Variants in MEG3 observed in about 807,000 individuals in gnomAD.
MEG3 encodes maternally expressed 3.
At chr14:100,859,856 A>G (rs1258637892) in exon 1 of MEG3, 3 of 152,170 alleles carry the variant, frequency 2.0e-5, no homozygotes, top group Non-Finnish European at 4.4e-5. Flanking sequence ...TTCTCGCTGC[A>G]TGCCGTGGGC....
At chr14:100,849,327 CTCCAGGA>C (rs1477734216) in intron 3 of MEG3, 1 of 152,070 alleles carries the variant, frequency 6.6e-6, no homozygotes, top group Non-Finnish European at 1.5e-5. Flanking sequence ...GTGCAGAAGG[CTCCAGGA>C]ACCGCAGATT....
upstream of MEG3, chr14:100,856,726 G>C (rs2038251526): frequency 6.6e-6 from 1 of 152,436 alleles, no homozygotes; most frequent in African/African-American, 2.4e-5. Context: ...AATGCCCCTG[G>C]ACCCCCCGGG....
At chr14:100,852,676 A>G, upstream of MEG3, 1 of 268,490 alleles carries the variant, frequency 3.7e-6, no homozygotes, top group South Asian at 3.4e-5. Context: ...GAACTCATGT[A>G]CGGCTGTTAA....
chr14:100,857,038 G>T (rs1414987287), upstream of MEG3: 1 of 152,150 alleles, frequency 6.6e-6, no homozygotes, highest in Non-Finnish European at 1.5e-5. Context: ...TCTGTTGAAT[G>T]GATGGATAGC....
At chr14:100,828,185 G>T (rs1211347556) in intron 1 of MEG3, among the ~76,000 whole-genome samples, 1 of 152,022 alleles carries the variant, frequency 6.6e-6, no homozygotes, top group Non-Finnish European at 1.5e-5. Context: ...GCGGGCCGGG[G>T]CGCCGCAGGT....
intron 2 of MEG3, among the ~76,000 whole-genome samples, chr14:100,841,982 C>T (rs935477046): frequency 2.6e-5 from 4 of 152,316 alleles, no homozygotes; most frequent in African/African-American, 7.2e-5. Context: ...ATGACAACTT[C>T]TGGAAAAGTG....
At chr14:100,850,602 T>TAAAA (rs2038040815) in intron 3 of MEG3, 1 of 75,574 alleles carries the variant, frequency 1.3e-5, no homozygotes, top group African/African-American at 4.0e-5. Flanking sequence ...CTATCTTAGA[T>TAAAA]CAAAAAAGAA....
At chr14:100,839,432 G>C (rs1274660205) in intron 2 of MEG3, among the ~76,000 whole-genome samples, 1 of 152,228 alleles carries the variant, frequency 6.6e-6, no homozygotes, top group Non-Finnish European at 1.5e-5. Flanking sequence ...GCAGATGGAA[G>C]AGTCTAGAAA....
chr14:100,832,623 C>CA (rs2037429785), downstream of MEG3: 1 of 152,614 alleles, frequency 6.6e-6, no homozygotes, highest in South Asian at 2.1e-4. Context: ...AGGAAAAACA[C>CA]ACTGATTATC....
chr14:100,859,229 T>G (rs919660100), exon 1 of MEG3: 3 of 152,186 alleles, frequency 2.0e-5, no homozygotes, highest in African/African-American at 4.8e-5. Context: ...GGAAAGGGTG[T>G]GTTTCTTGGC....
upstream of MEG3, chr14:100,855,009 C>T (rs182980588): frequency 6.5e-6 from 1 of 152,792 alleles, no homozygotes; most frequent in Non-Finnish European, 1.5e-5. Flanking sequence ...ACAGGTCAGT[C>T]ACAGCCATTT....
upstream of MEG3, chr14:100,857,150 C>G (rs957611412): frequency 2.0e-5 from 3 of 152,308 alleles, no homozygotes; most frequent in African/African-American, 7.2e-5. Context: ...CATATTGTAT[C>G]TTACGGACGT....
At chr14:100,851,887 T>A (rs1162702279) in intron 3 of MEG3, 1 of 158,746 alleles carries the variant, frequency 6.3e-6, no homozygotes, top group Non-Finnish European at 1.4e-5. Flanking sequence ...GTCTCCTTTC[T>A]CTGTAGTGGA....
intron 2 of MEG3, among the ~76,000 whole-genome samples, chr14:100,842,839 T>C (rs968579840): frequency 2.0e-4 from 31 of 152,232 alleles, no homozygotes; most frequent in Middle Eastern, 3.2e-3. Flanking sequence ...TCACCAATGC[T>C]TTCTGCGTGG....
At chr14:100,842,864 G>T (rs980959962) in intron 2 of MEG3, among the ~76,000 whole-genome samples, 1 of 152,190 alleles carries the variant, frequency 6.6e-6, no homozygotes, top group Non-Finnish European at 1.5e-5. Context: ...TGAGCTCACT[G>T]CACGCACTTA....
intron 2 of MEG3, among the ~76,000 whole-genome samples, chr14:100,840,232 C>A (rs1295483532): frequency 6.6e-6 from 1 of 152,196 alleles, no homozygotes; most frequent in East Asian, 1.9e-4. Context: ...GTTCTTAAGT[C>A]CCCTATCCTG....
chr14:100,834,672 G>A (rs1001727741), exon 1 of MEG3: 14 of 456,228 alleles, frequency 3.1e-5, no homozygotes, highest in African/African-American at 1.2e-4. Flanking sequence ...GACCAGCCCC[G>A]TGTCTCCTCA....
exon 1 of MEG3, chr14:100,834,502 TCTCGTTG>T (rs1441325835): frequency 3.1e-6 from 1 of 320,364 alleles, no homozygotes; most frequent in Non-Finnish European, 6.2e-6. Flanking sequence ...GGCAGAGGGG[TCTCGTTG>T]CTCCCTTGAG....
chr14:100,844,173 C>T (rs2037844895), intron 2 of MEG3, among the ~76,000 whole-genome samples: 1 of 152,140 alleles, frequency 6.6e-6, no homozygotes, highest in South Asian at 2.1e-4. Flanking sequence ...CTGGTGCCCC[C>T]ACATCTCTCT....
Sources: gnomAD v4.1 joint callset for allele counts (sites outside exome capture counted in the v4.1 genomes callset) on GRCh38, gnomAD v4.1.1 for gene constraint, MANE v1.5 for transcripts, NCBI Gene and HGNC (gene_info 2026-07-23, HGNC 2026-07-21) for gene names.